MYH6: variants seen among roughly 807,000 people sequenced by gnomAD.
MYH6 encodes myosin-6.
MYH6 carries 126 observed loss-of-function variants against 223.2 expected under a neutral mutation model. That is an observed-to-expected ratio of 0.56 (90% CI 0.49 to 0.65). MYH6 has a LOEUF of 0.65. Among genes scored for constraint, MYH6 ranks in the 30% least tolerant of loss-of-function variants. The pLI, the probability that MYH6 is intolerant of heterozygous loss-of-function variation, is 0.00. For synonymous variants in MYH6, 978 were observed against 1,010.2 expected (o/e 0.97, Z 0.61); for missense variants, 2,040 against 2,536.4 (o/e 0.80, Z 4.20).
rs781068852 is a variant in MYH6 at position 23,407,014 on chromosome 14, C to T, written c.201+9G>A. The T allele has an allele frequency of 6.9e-5, 111 of 1,613,866 alleles. No individual in the cohort carries two copies. The highest frequency in any genetic ancestry group is 8.3e-5 in the Non-Finnish European group (98 of 1,179,896). On this transcript the variant is annotated intron_variant, in intron 3 of 38. Coordinates refer to ENST00000405093, the MANE Select transcript of MYH6 (RefSeq NM_002471.4). This position sits in a 1 kb window ranked among gnomAD's most constrained non-coding sequence, Gnocchi z 5.6. ...CTTCCCTTCTGCCCCGGCGCCATGC[C>T]CTACTCACCTTCCCATTCTCGGTTT...
At chr14:23,398,621 G>A in intron 15 of MYH6, 107 bp downstream of exon 15, 2 of 1,348,586 alleles carry the variant, frequency 1.5e-6, no homozygotes, top group Non-Finnish European at 2.1e-6. Context: ...CTTGACTCAT[G>A]GGCTCCCCTG....
intron 29 of MYH6, chr14:23,388,613 G>C: frequency 1.2e-6 from 1 of 860,236 alleles, no homozygotes; most frequent in Non-Finnish European, 2.0e-6. Context: ...CAAGCTTTTT[G>C]CTCGTCTTAT....
At chr14:23,397,958 C>CTTCTTCTTCTTCTTCTTCTTT (rs1891468811) in intron 15 of MYH6, among the ~76,000 whole-genome samples, 2 of 113,598 alleles carry the variant, frequency 1.8e-5, no homozygotes, top group Non-Finnish European at 3.6e-5. Context: ...TCTTCTTCTT[C>CTTCTTCTTCTTCTTCTTCTTT]TTCTTCTTCT....
At chr14:23,404,449 G>A in intron 7 of MYH6, 61 bp from the exon 8 acceptor site, 1 of 1,594,592 alleles carries the variant, frequency 6.3e-7, no homozygotes, top group Non-Finnish European at 8.6e-7. Context: ...AGTGGTGAGA[G>A]GGCAGGGAGG....
In MYH6 at chr14:23,390,285, C is replaced by T. The variant is rs1891196165; in HGVS notation, c.3504G>A (p.Lys1168=). 3.7e-6 allele frequency: 6 copies of T among 1,600,406 alleles called. No individual in the cohort carries two copies. In the South Asian group the frequency reaches 6.6e-5, roughly 18 times the overall value. ...ATSVQIEMNK[K]REAEFQKMRR... is the part of the protein sequence containing the mutation. The stretch of plus-strand genomic sequence containing the variant: ...GCATCTTCTGGAACTCGGCCTCGCG[C>T]TTCTTGTTCATCTCGATCTGCACGG... The change falls in exon 26 of 39, where the codon AAG becomes AAA. Residue 1168 remains lysine (K), a synonymous_variant. Coordinates refer to ENST00000405093, the MANE Select transcript of MYH6 (RefSeq NM_002471.4).
intron 35 of MYH6, 52 bp downstream of exon 35, chr14:23,384,864 C>T: frequency 1.2e-6 from 2 of 1,613,246 alleles, no homozygotes; most frequent in East Asian, 2.2e-5. Context: ...TGGCCTGGAC[C>T]CAAGGCCTTG....
At chr14:23,394,410 T>C in intron 20 of MYH6, 87 bp from the exon 21 acceptor site, 1 of 1,543,378 alleles carries the variant, frequency 6.5e-7, no homozygotes, top group Non-Finnish European at 8.8e-7. Context: ...CGTAGGCACG[T>C]AGACTTCCTT....
At position 23,393,055 on chromosome 14, in the gene MYH6, C is replaced by T. The variant is rs1891285686; in HGVS notation, c.3108G>A (p.Leu1036=). The change falls in exon 24 of 39, where the codon CTG becomes CTA. Residue 1036 remains leucine (L), a splice_region_variant and synonymous_variant. Coordinates refer to ENST00000405093, the MANE Select transcript of MYH6 (RefSeq NM_002471.4). ...KVKLEQQVDD[L]EGSLEQEKKV... ...TCTTCTCTTGCTCTAGGGATCCCTC[C>T]AGCTGTTGGAGGGAAGAAAATAAGC... 4 of 1,614,212 alleles carry T rather than the reference C, an allele frequency of 2.5e-6. No individual in the cohort carries two copies. The South Asian group carries it at 3.3e-5, about 13-fold the overall frequency.
chr14:23,382,120 G>T (rs1318369716), intron 38 of MYH6, 57 bp from the exon 39 acceptor site: 1 of 1,513,022 alleles, frequency 6.6e-7, no homozygotes, highest in Non-Finnish European at 9.2e-7. Context: ...AAGTGTGTGG[G>T]GACAAATCCC....
intron 25 of MYH6, among the ~76,000 whole-genome samples, chr14:23,391,986 A>G (rs1460125081): frequency 1.3e-5 from 2 of 152,174 alleles, no homozygotes; most frequent in Non-Finnish European, 2.9e-5. Context: ...AATGGTTTCA[A>G]ATACATTATC....
intron 13 of MYH6, 69 bp downstream of exon 13, chr14:23,400,640 C>A: frequency 1.2e-6 from 2 of 1,612,352 alleles, no homozygotes; most frequent in Non-Finnish European, 1.7e-6. Context: ...AGCTGGCTCT[C>A]AGCAAATGGC....
At chr14:23,391,554 T>C (rs760061406) in intron 25 of MYH6, among the ~76,000 whole-genome samples, 2 of 152,160 alleles carry the variant, frequency 1.3e-5, no homozygotes, top group Non-Finnish European at 2.9e-5. Flanking sequence ...AGGAGTGGAA[T>C]TGTGTTCATA....
At chr14:23,387,273 A>G (rs1004882008) in intron 32 of MYH6, among the ~76,000 whole-genome samples, 1 of 152,156 alleles carries the variant, frequency 6.6e-6, no homozygotes, top group Admixed American at 6.5e-5. Flanking sequence ...CTAAGTGGTT[A>G]TTATTATGGC....
chr14:23,389,035 A>G lies in MYH6; in HGVS notation c.3999T>C (p.His1333=), dbSNP rs767229578. 5.4e-6 allele frequency: 7 copies of G among 1,293,422 alleles called. No individual in the cohort carries two copies. The highest frequency in any genetic ancestry group is 3.6e-5 in the Admixed American group (2 of 55,924). The allele number at this position is 1,293,422 out of a possible 1,614,324, so 80.1% of individuals were successfully genotyped here. A position where few individuals can be genotyped will look rare whatever the true frequency, so the allele number is the denominator to read the frequency against. ...EEGKAKNALA[H]ALQSARHDCD... ...AGTCATGCCGGGCCGACTGCAGTGC[A>G]TGGGCCAGGGCGTTCTTCGCCTGGG... The change falls in exon 29 of 39, where the codon CAT becomes CAC. Residue 1333 remains histidine (H), a synonymous_variant. Transcript: ENST00000405093.
Position 23,405,631 on chromosome 14 carries a change from A to G in MYH6, c.341T>C (p.Ile114Thr), listed in dbSNP as rs899143706. ...NLKERYAAWM[I>T]YTYSGLFCVT... Reference sequence around the variant, plus strand: ...CAGTGTGCAGGAGCCACTCACATATATCATCCAGGCCGCGTAGCGCTCCTT... The same window carrying G: ...CAGTGTGCAGGAGCCACTCACATATGTCATCCAGGCCGCGTAGCGCTCCTT... The change falls in exon 4 of 39, where the codon ATA becomes ACA. Residue 114 changes from isoleucine (I) to threonine (T), a missense_variant. Ile to Thr is a moderately conservative substitution (Grantham distance 89). Transcript: ENST00000405093. This position sits in a 1 kb window ranked among gnomAD's most constrained non-coding sequence, Gnocchi z 4.7. The G allele has an allele frequency of 1.2e-6, 2 of 1,614,016 alleles. No individual in the cohort carries two copies. Among genetic ancestry groups the G allele is most frequent in the Non-Finnish European group, 1.7e-6 (2 of 1,180,010 alleles).
intron 34 of MYH6, among the ~76,000 whole-genome samples, chr14:23,385,645 C>G (rs1890996478): frequency 6.6e-6 from 1 of 152,064 alleles, no homozygotes; most frequent in Non-Finnish European, 1.5e-5. Context: ...AAGCCGGAGG[C>G]TGTCTTTCAG....
chr14:23,397,033 C>T lies in MYH6; in HGVS notation c.2098G>A (p.Val700Met), dbSNP rs767142932. The T allele has an allele frequency of 1.4e-5, 23 of 1,614,012 alleles. No individual in the cohort carries two copies. The highest frequency in any genetic ancestry group is 2.2e-5 in the South Asian group (2 of 91,084). Residue 700 changes from valine (V) to methionine (M), a missense_variant, in exon 18 of 39, where the codon GTG (valine) becomes ATG (methionine). This residue lies in a region of MYH6 where 649 missense variants were observed against 877.3 expected (regional missense o/e 0.74). Coordinates refer to ENST00000405093, the MANE Select transcript of MYH6 (RefSeq NM_002471.4). Reference protein sequence around the residue: ...LVMHQLRCNGVLEGIRICRKG... With the variant: ...LVMHQLRCNGMLEGIRICRKG... ...CTGCAGATGCGGATGCCCTCCAGCA[C>T]GCCATTGCAGCGCAGCTGGTGCATG...
Position 23,402,745 on chromosome 14 carries a change from C to T in MYH6, c.954G>A (p.Glu318=). The part of the protein sequence containing the change: ...PYDYAFVSQG[E]VSVASIDDSE... ...AGTCATCAATGGAGGCCACGGACACCTCTCCCTGAGACACGAAGGCGTAGT... is the reference window on the plus strand; with the variant it reads ...AGTCATCAATGGAGGCCACGGACACTTCTCCCTGAGACACGAAGGCGTAGT... The change falls in exon 11 of 39, where the codon GAG becomes GAA. Residue 318 remains glutamate (E), a synonymous_variant. Transcript: ENST00000405093. 1 of 1,613,676 alleles carries T rather than the reference C, an allele frequency of 6.2e-7. No individual in the cohort carries two copies. The highest frequency in any genetic ancestry group is 8.5e-7 in the Non-Finnish European group (1 of 1,179,982).
In MYH6 at chr14:23,383,337, G is replaced by T. The variant is rs772133316; in HGVS notation, c.5566-17C>A. ...TTCCTCTGTCTGGGGGTGGGAGGGT[G>T]GGAGAAGCTGGTTTGGAGGGGGAGC... On this transcript the variant is annotated splice_polypyrimidine_tract_variant and intron_variant, in intron 36 of 38. Transcript: ENST00000405093. 14 of 487,440 alleles carry T rather than the reference G, an allele frequency of 2.9e-5. No homozygotes were observed. The highest frequency in any genetic ancestry group is 1.8e-4 in the East Asian group (3 of 16,306). The allele number at this position is 487,440 out of a possible 1,614,324, so 30.2% of individuals were successfully genotyped here.
Sources: gnomAD v4.1 joint callset for allele counts (sites outside exome capture counted in the v4.1 genomes callset) on GRCh38, gnomAD v4.1.1 for gene constraint, gnomAD v4.1.1 regional missense constraint, Gnocchi (gnomAD v3.1) non-coding constraint, MANE v1.5 for transcripts, NCBI Gene and HGNC (gene_info 2026-07-23, HGNC 2026-07-21) for gene names.